The following CYLC2 variants were observed in gnomAD, a reference collection of about 807,000 sequenced individuals.
CYLC2 encodes cylicin 2, also known as cylicin-2.
Under a neutral mutation model 26.1 loss-of-function variants are expected in CYLC2, and 30 were observed. The ratio of observed to expected loss-of-function variants is 1.15; its 90% CI spans 0.86 to 1.56. CYLC2 has a LOEUF of 1.56. Ranked by LOEUF, CYLC2 falls within the 40% of genes most tolerant of loss-of-function variation. CYLC2 has a pLI of 0.00. For synonymous variants in CYLC2, 158 were observed against 132.8 expected, an observed-to-expected ratio of 1.19 and a Z score of -1.31; for missense variants, 498 against 394.4, an observed-to-expected ratio of 1.26 and a Z score of -2.23.
At chr9:103,014,274 A>G (rs1395490626) in intron 6 of CYLC2, among the ~76,000 whole-genome samples, 1 of 130,362 alleles carries the variant, frequency 7.7e-6, no homozygotes, top group African/African-American at 2.9e-5. Flanking sequence ...TACATTAAAT[A>G]TATTACATAG....
intron 1 of CYLC2, among the ~76,000 whole-genome samples, chr9:102,997,757 T>G (rs1362185126): frequency 6.6e-6 from 1 of 151,970 alleles, no homozygotes; most frequent in Admixed American, 6.6e-5. Context: ...AAAACACATC[T>G]AAGCAGAGAT....
intron 1 of CYLC2, 131 bp downstream of exon 1, chr9:102,995,528 G>A (rs1312554761): frequency 1.5e-6 from 1 of 676,804 alleles, no homozygotes; most frequent in Non-Finnish European, 2.5e-6. Flanking sequence ...TGTTTAAGCA[G>A]ACAAAGATTC....
chr9:103,017,924 G>A (rs773891652), intron 7 of CYLC2, among the ~76,000 whole-genome samples: 3 of 151,224 alleles, frequency 2.0e-5, no homozygotes, highest in East Asian at 2.0e-4. Flanking sequence ...TGTAAGACCC[G>A]TCATATTGCA....
At chr9:103,014,500 A>T (rs1226228950) in intron 6 of CYLC2, among the ~76,000 whole-genome samples, 1 of 141,374 alleles carries the variant, frequency 7.1e-6, no homozygotes, top group Non-Finnish European at 1.5e-5. Context: ...CAATATACAT[A>T]ATATATGTAA....
chr9:102,995,949 T>C (rs1457499208), intron 1 of CYLC2, among the ~76,000 whole-genome samples: 3 of 151,854 alleles, frequency 2.0e-5, no homozygotes, highest in African/African-American at 7.2e-5. Flanking sequence ...CATGAGAAGT[T>C]ATATGACAGT....
chr9:103,008,854 G>A (rs1107540), intron 5 of CYLC2, among the ~76,000 whole-genome samples: 110,994 of 152,012 alleles, frequency 0.73, 40,894 homozygotes, highest in South Asian at 0.93. Flanking sequence ...TCTCCACAAC[G>A]CCATATCCCA....
intron 6 of CYLC2, among the ~76,000 whole-genome samples, chr9:103,013,657 T>A (rs1436905620): frequency 2.7e-5 from 3 of 112,184 alleles, no homozygotes; most frequent in African/African-American, 1.1e-4. Flanking sequence ...AAAATATAAA[T>A]ATATTATATT....
intron 1 of CYLC2, among the ~76,000 whole-genome samples, chr9:102,997,585 T>A (rs555868999): frequency 6.6e-6 from 1 of 152,090 alleles, no homozygotes; most frequent in East Asian, 1.9e-4. Flanking sequence ...ATGTCTTTTA[T>A]GGTCTTCTTT....
intron 1 of CYLC2, among the ~76,000 whole-genome samples, chr9:102,996,380 T>C (rs10115462): frequency 0.068 from 10,286 of 151,970 alleles, 387 homozygotes; most frequent in South Asian, 0.12. Context: ...ATTGTTATCA[T>C]GAGCATCAAA....
intron 1 of CYLC2, among the ~76,000 whole-genome samples, chr9:102,999,575 T>C (rs976211617): frequency 6.6e-6 from 1 of 151,878 alleles, no homozygotes; most frequent in Non-Finnish European, 1.5e-5. Flanking sequence ...TCAATATTCC[T>C]CCAATAAGTT....
chr9:103,009,667 T>A (rs1829385692), intron 5 of CYLC2, among the ~76,000 whole-genome samples: 1 of 152,086 alleles, frequency 6.6e-6, no homozygotes, highest in South Asian at 2.1e-4. Context: ...CTTATTCATT[T>A]TTTTCTAATT....
rs13293961 is a variant in CYLC2 at position 103,005,067 on chromosome 9, G to T, written c.436G>T (p.Asp146Tyr). ...QGKKDSKKGK[D>Y]IEKGKEEKLD... ...AAAAAAAGATTCAAAGAAAGGCAAGGATATAGAGAAAGGAAAAGAAGAAAA... is the reference window on the plus strand; with the variant it reads ...AAAAAAAGATTCAAAGAAAGGCAAGTATATAGAGAAAGGAAAAGAAGAAAA... The change falls in exon 5 of 8, where the codon GAT becomes TAT. Residue 146 changes from aspartate to tyrosine, a missense_variant. By Grantham distance (160) the Asp-to-Tyr change is radical. Transcript: ENST00000374798. 0.048 allele frequency: 77,739 copies of T among 1,605,276 alleles called. 2,229 individuals are homozygous for T. The highest frequency in any genetic ancestry group is 0.059 in the Non-Finnish European group (69,432 of 1,177,102).
intron 6 of CYLC2, among the ~76,000 whole-genome samples, chr9:103,015,089 C>A (rs373654124): frequency 2.3e-4 from 12 of 51,184 alleles, no homozygotes; most frequent in African/African-American, 5.6e-4. Context: ...ATATACATAA[C>A]ATGTATATCA....
chr9:102,995,474 A>T (rs1341205), intron 1 of CYLC2, 77 bp downstream of exon 1: 2 of 1,041,390 alleles, frequency 1.9e-6, no homozygotes, highest in African/African-American at 1.6e-5. Context: ...ATGAAGAGAT[A>T]TTTATTATAT....
chr9:103,013,392 A>G (rs1414706320), intron 6 of CYLC2, among the ~76,000 whole-genome samples: 8 of 105,822 alleles, frequency 7.6e-5, no homozygotes, highest in Non-Finnish European at 8.4e-5. Flanking sequence ...ATAAATATAT[A>G]TTATATAAAT....
At chr9:103,017,889 TG>T in intron 7 of CYLC2, among the ~76,000 whole-genome samples, 2 of 152,064 alleles carry the variant, frequency 1.3e-5, no homozygotes, top group Middle Eastern at 6.8e-3. Context: ...GTCTTTCCTC[TG>T]TGTGGATCTG....
chr9:103,017,463 G>C (rs1289768564), intron 7 of CYLC2, among the ~76,000 whole-genome samples: 2 of 151,864 alleles, frequency 1.3e-5, no homozygotes, highest in African/African-American at 4.8e-5. Flanking sequence ...CTCCTAATTT[G>C]GTTTACTGAA....
rs1424792733 is a variant in CYLC2 at position 103,005,050 on chromosome 9, A to T, written c.419A>T (p.Asp140Val). ...TCAGAATTAAAACAAGGAAAAAAAG[A>T]TTCAAAGAAAGGCAAGGATATAGAG... The part of the protein sequence containing the change: ...SESELKQGKK[D>V]SKKGKDIEKG... Residue 140 changes from aspartate to valine, a missense_variant, in exon 5 of 8, where the codon GAT becomes GTT. By Grantham distance (152) the Asp-to-Val change is radical. Transcript: ENST00000374798. The T allele has an allele frequency of 6.3e-7, 1 of 1,599,726 alleles. No homozygotes were observed. The highest frequency in any genetic ancestry group is 1.8e-5 in the Admixed American group (1 of 55,086).
chr9:103,014,444 A>C (rs1222712807), intron 6 of CYLC2, among the ~76,000 whole-genome samples: 1 of 97,188 alleles, frequency 1.0e-5, no homozygotes, highest in African/African-American at 3.4e-5. Context: ...ATATTACATA[A>C]TATACATAAT....
Sources: allele counts gnomAD v4.1 joint callset (sites outside exome capture counted in the v4.1 genomes callset), GRCh38; gene constraint gnomAD v4.1.1; transcripts MANE v1.5; gene names NCBI Gene and HGNC (gene_info 2026-07-23, HGNC 2026-07-21).